THG1L: variants seen among roughly 807,000 people sequenced by gnomAD.
THG1L encodes the protein probable tRNA(His) guanylyltransferase.
Under a neutral mutation model 35.2 loss-of-function variants are expected in THG1L, and 27 were observed. That is an observed-to-expected ratio of 0.77 (90% CI 0.57 to 1.06). THG1L has a LOEUF of 1.06. Among genes scored for constraint, THG1L ranks in the 50% least tolerant of loss-of-function variants. The pLI is 0.00. For synonymous variants in THG1L, 135 were observed against 132.4 expected (o/e 1.02, Z -0.14); for missense variants, 377 against 371.8 (o/e 1.01, Z -0.12).
chr5:157,731,457 AAGTT>A lies in THG1L; in HGVS notation c.19_22del (p.Val7ArgfsTer13). The stretch of plus-strand genomic sequence containing the variant: ...GCGTGTAGAATGTGGGGCGCCTGTA[AAGTT>A]AAGGTTCACGATTCCTTGGCCACCA... On this transcript the variant is annotated frameshift_variant, in exon 1 of 6. Coordinates refer to ENST00000231198, the MANE Select transcript of THG1L (RefSeq NM_017872.5). LOFTEE classifies it high-confidence loss of function. 6.2e-7 allele frequency: 1 copy of A among 1,603,778 alleles called. No individual in the cohort carries two copies.
At chr5:157,734,529 G>C in intron 2 of THG1L, 47 bp from the exon 3 acceptor site, 3 of 1,606,870 alleles carry the variant, frequency 1.9e-6, no homozygotes, top group Non-Finnish European at 2.6e-6. Flanking sequence ...CTAATTCCGT[G>C]TATTTTTCTT....
At chr5:157,736,905 G>A (rs1313472114) in intron 4 of THG1L, among the ~76,000 whole-genome samples, 1 of 152,200 alleles carries the variant, frequency 6.6e-6, no homozygotes, top group Non-Finnish European at 1.5e-5. Flanking sequence ...CTTGTAGGAT[G>A]ACTAACTGTG....
chr5:157,736,959 T>C (rs923597884), intron 4 of THG1L, among the ~76,000 whole-genome samples: 2 of 152,104 alleles, frequency 1.3e-5, no homozygotes, highest in Non-Finnish European at 2.9e-5. Context: ...TTGTATTTTA[T>C]TTTATCTATT....
Position 157,735,841 on chromosome 5 carries a change from C to A in THG1L, c.539-5C>A. The A allele has an allele frequency of 6.3e-7, 1 of 1,581,912 alleles. No individual in the cohort carries two copies. Among genetic ancestry groups the A allele is most frequent in the Non-Finnish European group, 8.6e-7 (1 of 1,160,244 alleles). Reference sequence around the variant, plus strand: ...ATAAACATTACTATTTTGTTCTCCTCACAGGTCACATCAATAATCTTTATA... The same window carrying A: ...ATAAACATTACTATTTTGTTCTCCTAACAGGTCACATCAATAATCTTTATA... On this transcript the variant is annotated splice_polypyrimidine_tract_variant and splice_region_variant and intron_variant, in intron 3 of 5. Transcript: ENST00000231198.
rs754730024 is a variant in THG1L, at chr5:157,734,685, G to C, written c.478G>C (p.Val160Leu). The C allele has an allele frequency of 3.7e-6, 6 of 1,614,164 alleles. No individual in the cohort carries two copies. The highest frequency in any genetic ancestry group is 5.1e-6 in the Non-Finnish European group (6 of 1,180,042). The change falls in exon 3 of 6, where the codon GTC becomes CTC. Residue 160 changes from valine (V) to leucine (L), a missense_variant. Coordinates refer to ENST00000231198, the MANE Select transcript of THG1L (RefSeq NM_017872.5). ...GTATCCCCCAGGCTTTGACGGAAGA[G>C]TCGTGGTGTATCCCAGCAACCAGAC... ...LLYPPGFDGR[V>L]VVYPSNQTLK...
chr5:157,738,722 A>G (rs1760949087), intron 5 of THG1L: 1 of 378,600 alleles, frequency 2.6e-6, no homozygotes, highest in Admixed American at 4.2e-5. Context: ...ATACTTCTTA[A>G]TGCAGGTGGA....
chr5:157,732,808 A>C, intron 1 of THG1L, 60 bp from the exon 2 acceptor site: 1 of 1,594,654 alleles, frequency 6.3e-7, no homozygotes, highest in Non-Finnish European at 8.6e-7. Context: ...ATCTAGCAAC[A>C]GAGCGTGTTG....
chr5:157,735,979 C>T, intron 4 of THG1L, 45 bp downstream of exon 4: 1 of 1,284,788 alleles, frequency 7.8e-7, no homozygotes, highest in Non-Finnish European at 1.1e-6. Flanking sequence ...GGACAGTTCG[C>T]TGTAGGCTCT....
intron 4 of THG1L, among the ~76,000 whole-genome samples, chr5:157,736,882 T>C (rs1760903493): frequency 6.6e-6 from 1 of 152,366 alleles, no homozygotes; most frequent in East Asian, 1.9e-4. Flanking sequence ...TGGTTTTTGT[T>C]ATAACAGTGC....
Position 157,739,537 on chromosome 5 carries a change from A to G in THG1L, c.*55A>G. The G allele has an allele frequency of 1.3e-6, 2 of 1,559,720 alleles. No individual in the cohort carries two copies. The highest frequency in any genetic ancestry group is 1.7e-6 in the Non-Finnish European group (2 of 1,152,046). Reference sequence around the variant, plus strand: ...AACCATGCAAGCCCTCCCACCTCCCAGGGCTCCTTGCCTTAGGTGGCTGTA... The same window carrying G: ...AACCATGCAAGCCCTCCCACCTCCCGGGGCTCCTTGCCTTAGGTGGCTGTA... On this transcript the variant is annotated 3_prime_UTR_variant, in exon 6 of 6. Transcript: ENST00000231198.
intron 1 of THG1L, 88 bp downstream of exon 1, chr5:157,731,719 A>G (rs1455137125): frequency 3.4e-6 from 5 of 1,483,952 alleles, no homozygotes; most frequent in Non-Finnish European, 3.6e-6. Context: ...CGCCCGCTCC[A>G]GTCACGGTTA....
At chr5:157,733,340 A>G (rs973401090) in intron 2 of THG1L, among the ~76,000 whole-genome samples, 2 of 152,258 alleles carry the variant, frequency 1.3e-5, no homozygotes, top group Non-Finnish European at 2.9e-5. Context: ...TTAACAATTC[A>G]TAGGTTGGCT....
In THG1L at chr5:157,738,523, T is replaced by C. The variant is rs1452379162; in HGVS notation, c.735+529T>C. The C allele has an allele frequency of 7.9e-6, 3 of 378,970 alleles. No homozygotes were observed. In the East Asian group the frequency reaches 2.4e-4, roughly 30 times the overall value. 23.5% of individuals were successfully genotyped at this position (378,970 alleles called of 1,614,324 possible). A position where few individuals can be genotyped will look rare whatever the true frequency, so the allele number is the denominator to read the frequency against. On this transcript the variant is annotated intron_variant, in intron 5 of 5. Coordinates refer to ENST00000231198, the MANE Select transcript of THG1L (RefSeq NM_017872.5). ...TATCCTTAATTTTACCAATATTTTC[T>C]CTCTGTACCAGCTGTTAGGCATAAT...
Position 157,732,961 on chromosome 5 carries a change from G to A in THG1L, c.285G>A (p.Glu95=), listed in dbSNP as rs146250610. 6.0e-4 allele frequency: 973 copies of A among 1,614,220 alleles called. No individual in the cohort carries two copies. The highest frequency in any genetic ancestry group is 8.2e-4 in the Admixed American group (49 of 60,026). ...KCAQTVMEEL[E]DIVIAYGQSD... is the part of the protein sequence containing the mutation. ...CGCAGACTGTGATGGAAGAACTAGA[G>A]GATATTGTGATCGCGTATGGACAGA... is the stretch of plus-strand genomic sequence containing the variant. Residue 95 remains glutamate (E), a synonymous_variant, in exon 2 of 6, where the codon GAG becomes GAA. Transcript: ENST00000231198.
At chr5:157,732,611 A>C (rs766761534) in intron 1 of THG1L, among the ~76,000 whole-genome samples, 1 of 152,190 alleles carries the variant, frequency 6.6e-6, no homozygotes, top group Non-Finnish European at 1.5e-5. Flanking sequence ...GGACAACCCA[A>C]TGAGGTAAAT....
chr5:157,733,294 A>G (rs1409791590), intron 2 of THG1L, among the ~76,000 whole-genome samples: 1 of 152,214 alleles, frequency 6.6e-6, no homozygotes, highest in Non-Finnish European at 1.5e-5. Flanking sequence ...GGCATTGAAC[A>G]TTAAGATTAG....
intron 5 of THG1L, chr5:157,738,501 C>G (rs534795179): frequency 2.8e-5 from 10 of 360,702 alleles, no homozygotes; most frequent in Non-Finnish European, 4.7e-5. Context: ...TTACCTATAT[C>G]CTTAATTTTA....
At chr5:157,736,989 G>T (rs1406079449) in intron 4 of THG1L, among the ~76,000 whole-genome samples, 6 of 151,942 alleles carry the variant, frequency 3.9e-5, no homozygotes, top group African/African-American at 9.7e-5. Context: ...TTTGAGATGG[G>T]TTCTTGCTAT....
intron 1 of THG1L, 25 bp downstream of exon 1, chr5:157,731,656 C>T: frequency 1.3e-6 from 2 of 1,574,966 alleles, no homozygotes; most frequent in South Asian, 1.2e-5. Context: ...CTCGGGGCGT[C>T]GCGATGCGCC....
Sources: gnomAD v4.1 joint callset for allele counts (sites outside exome capture counted in the v4.1 genomes callset) on GRCh38, gnomAD v4.1.1 for gene constraint, MANE v1.5 for transcripts, NCBI Gene and HGNC (gene_info 2026-07-23, HGNC 2026-07-21) for gene names.